The following GRK3 variants were observed in gnomAD, a reference collection of about 807,000 sequenced individuals.
GRK3 encodes the protein adrenergic, beta, receptor kinase 2.
Under a neutral mutation model 95.7 loss-of-function variants are expected in GRK3, and 54 were observed. The ratio of observed to expected loss-of-function variants is 0.56; its 90% CI spans 0.45 to 0.71. The LOEUF (loss-of-function observed/expected upper bound fraction) is 0.71. GRK3 is among the 30% of genes least tolerant of loss of function. The pLI is 0.00. For synonymous variants in GRK3, 281 were observed against 290.8 expected, an observed-to-expected ratio of 0.97 and a Z score of 0.34; for missense variants, 649 against 851.2, an observed-to-expected ratio of 0.76 and a Z score of 2.96.
At chr22:25,633,280 T>C (rs746465886) in intron 2 of GRK3, among the ~76,000 whole-genome samples, 1 of 152,186 alleles carries the variant, frequency 6.6e-6, no homozygotes, top group African/African-American at 2.4e-5. Flanking sequence ...TTTATTATTC[T>C]AGTTCTTTTG....
Position 25,661,544 on chromosome 22 carries a change from C to T in GRK3, c.265-32C>T, listed in dbSNP as rs373263642. The stretch of plus-strand genomic sequence containing the variant: ...AATAAGGCAAGTTTCCAGGAAGATA[C>T]AACCTAACAATGATAACTTTAAAAA... On this transcript the variant is annotated intron_variant, in intron 3 of 20. Coordinates refer to ENST00000324198, the MANE Select transcript of GRK3 (RefSeq NM_005160.4). 4.2e-6 allele frequency: 6 copies of T among 1,425,360 alleles called. No homozygotes were observed. In the South Asian group the frequency reaches 4.7e-5, roughly 11 times the overall value. 88.3% of individuals were successfully genotyped at this position (1,425,360 alleles called of 1,614,324 possible).
chr22:25,674,644 T>G, intron 8 of GRK3, 116 bp downstream of exon 8: 10 of 769,056 alleles, frequency 1.3e-5, no homozygotes, highest in African/African-American at 1.8e-5. Flanking sequence ...TGAAGTACTT[T>G]ACCTCCAAAA....
At chr22:25,702,875 T>A (rs1410849731) in intron 13 of GRK3, 1 of 455,978 alleles carries the variant, frequency 2.2e-6, no homozygotes, top group Non-Finnish European at 4.4e-6. Context: ...TCTATGTGGC[T>A]GACAGTCACT....
chr22:25,647,512 T>C, intron 3 of GRK3: 1 of 1,472,934 alleles, frequency 6.8e-7, no homozygotes, highest in South Asian at 1.1e-5. Context: ...GGTGCCAAGT[T>C]CATATCCTGC....
chr22:25,656,109 A>G (rs554335248), intron 3 of GRK3, among the ~76,000 whole-genome samples: 3 of 152,296 alleles, frequency 2.0e-5, no homozygotes, highest in African/African-American at 7.2e-5. Context: ...GTGTGTATAC[A>G]CAACACACAT....
In GRK3 at chr22:25,578,756, T is replaced by G. The variant is rs1042246579; in HGVS notation, c.113+13603T>G. On this transcript the variant is annotated intron_variant, in intron 1 of 20. Transcript: ENST00000324198. ...AAAAGGCAAGGAAATGGCCTGTCCC[T>G]TACAGCCTCCATGTGAGACCGCAGT... 8.5e-5 allele frequency among the ~76,000 whole-genome samples: 13 copies of G among 152,086 alleles called. No homozygotes were observed. In the South Asian group the frequency reaches 2.7e-3, roughly 31 times the overall value.
chr22:25,622,400 G>T (rs918922996), intron 2 of GRK3, among the ~76,000 whole-genome samples: 2 of 152,202 alleles, frequency 1.3e-5, no homozygotes, highest in African/African-American at 2.4e-5. Flanking sequence ...GAAGGAGACC[G>T]AGTAGCGCTT....
intron 3 of GRK3, chr22:25,649,093 GT>G (rs1269738881): frequency 1.4e-5 from 22 of 1,530,614 alleles, no homozygotes; most frequent in Non-Finnish European, 2.0e-5. Flanking sequence ...CCTCAGGGCT[GT>G]CCAGAATCCC....
chr22:25,716,469 A>G (rs527411190), intron 18 of GRK3, among the ~76,000 whole-genome samples: 2 of 152,344 alleles, frequency 1.3e-5, no homozygotes, highest in South Asian at 2.1e-4. Flanking sequence ...GTTCAAGTGT[A>G]TCCTTCTAGT....
At chr22:25,607,751 T>C (rs1209850971) in intron 2 of GRK3, among the ~76,000 whole-genome samples, 17 of 151,758 alleles carry the variant, frequency 1.1e-4, no homozygotes, top group Non-Finnish European at 1.9e-4. Context: ...TAATTTTTTT[T>C]TTTTTTTTCA....
intron 8 of GRK3, among the ~76,000 whole-genome samples, chr22:25,674,889 C>T (rs1031554538): frequency 3.9e-5 from 6 of 152,070 alleles, no homozygotes; most frequent in African/African-American, 1.2e-4. Context: ...GCAGAGCTTG[C>T]AGTGAGCGGA....
In GRK3 at chr22:25,566,907, T is replaced by TTGG. The variant is rs1555913827; in HGVS notation, c.113+1754_113+1755insTGG. ...CTCAACTCATGGGCAGTTTTTTTTT[T>TTGG]GGGGGGGGCTAGTATATAATATTAA... On this transcript the variant is annotated intron_variant, in intron 1 of 20. Transcript: ENST00000324198. 1.5e-3 allele frequency among the ~76,000 whole-genome samples: 224 copies of TTGG among 149,254 alleles called. 1 individual carries two copies. The highest frequency in any genetic ancestry group is 5.5e-3 in the African/African-American group (218 of 39,748).
At chr22:25,714,322 T>C in intron 17 of GRK3, 86 bp from the exon 18 acceptor site, 1 of 1,136,504 alleles carries the variant, frequency 8.8e-7, no homozygotes, top group South Asian at 1.6e-5. Flanking sequence ...AGAGTTATGA[T>C]AGAGTCACCA....
intron 3 of GRK3, among the ~76,000 whole-genome samples, chr22:25,645,404 AC>A (rs1371157048): frequency 6.6e-6 from 1 of 152,176 alleles, no homozygotes; most frequent in African/African-American, 2.4e-5. Context: ...CTTCTGGGAG[AC>A]AAAAATTGCA....
chr22:25,667,625 A>G (rs1328629910), intron 5 of GRK3, 114 bp from the exon 6 acceptor site: 4 of 675,470 alleles, frequency 5.9e-6, no homozygotes, highest in Non-Finnish European at 1.1e-5. Context: ...ACCAGACACA[A>G]TGCTATGGGG....
chr22:25,565,255 C>CCGGGGCGGGTGACACAG (rs1931422013), intron 1 of GRK3, 102 bp downstream of exon 1: 2 of 492,682 alleles, frequency 4.1e-6, no homozygotes, highest in Admixed American at 4.8e-5. Flanking sequence ...CTCCGCTGCC[C>CCGGGGCGGGTGACACAG]CGGGGCGGGT....
intron 1 of GRK3, 45 bp from the exon 2 acceptor site, chr22:25,604,332 C>T (rs373331346): frequency 3.8e-5 from 53 of 1,412,534 alleles, no homozygotes; most frequent in African/African-American, 1.1e-4. Context: ...TGGTTACTCA[C>T]GATGTAGGCT....
rs934060906 is a variant in GRK3 at position 25,724,883 on chromosome 22, T to C, written c.*2433T>C. The C allele has an allele frequency of 1.3e-4, 20 of 152,054 alleles. No homozygotes were observed. Among genetic ancestry groups the C allele is most frequent in the Non-Finnish European group, 2.4e-4 (16 of 68,004 alleles). 9.4% of individuals were successfully genotyped at this position (152,054 alleles called of 1,614,324 possible). ...TTTTTAATTTTTTAATTTTTTGGGA[T>C]AGGGCCTCGCTCTGTCACCCAGGCT... On this transcript the variant is annotated 3_prime_UTR_variant, in exon 21 of 21. Transcript: ENST00000324198.
intron 2 of GRK3, among the ~76,000 whole-genome samples, chr22:25,605,183 G>C (rs532116014): frequency 6.6e-6 from 1 of 152,170 alleles, no homozygotes; most frequent in Admixed American, 6.5e-5. Context: ...CTTTGATCAC[G>C]CATGAAGTAC....
Sources: allele counts gnomAD v4.1 joint callset (sites outside exome capture counted in the v4.1 genomes callset), GRCh38; gene constraint gnomAD v4.1.1; transcripts MANE v1.5; gene names NCBI Gene and HGNC (gene_info 2026-07-23, HGNC 2026-07-21).